FTO: variants seen among roughly 807,000 people sequenced by gnomAD.
FTO encodes alpha-ketoglutarate-dependent dioxygenase FTO.
A neutral mutation model predicts 63.9 loss-of-function variants in FTO; 47 were observed. The ratio of observed to expected loss-of-function variants is 0.74; its 90% CI spans 0.58 to 0.94. FTO has a LOEUF of 0.94. Among genes scored for constraint, FTO ranks in the 40% least tolerant of loss-of-function variants. The pLI is 0.00. For synonymous variants in FTO, 207 were observed against 224.4 expected (o/e 0.92, Z 0.69); for missense variants, 562 against 618.1 (o/e 0.91, Z 0.96).
chr16:53,819,977 C>A (rs908027736), intron 2 of FTO, among the ~76,000 whole-genome samples: 1 of 151,382 alleles, frequency 6.6e-6, no homozygotes, highest in Non-Finnish European at 1.5e-5. Context: ...AGTGATGTGG[C>A]TATAACAGAT....
At chr16:53,763,996 C>G (rs7206790) in intron 1 of FTO, among the ~76,000 whole-genome samples, 73,608 of 151,986 alleles carry the variant, frequency 0.48, 18,432 homozygotes, top group African/African-American at 0.58. Flanking sequence ...CCACTTAGTT[C>G]TTTCACTTCC....
chr16:53,948,720 AT>A (rs1480271246), intron 8 of FTO, among the ~76,000 whole-genome samples: 2 of 152,252 alleles, frequency 1.3e-5, no homozygotes, highest in Admixed American at 6.5e-5. Flanking sequence ...GAATTCAAAT[AT>A]TTGTAACTGT....
intron 1 of FTO, among the ~76,000 whole-genome samples, chr16:53,745,157 C>T (rs1027417495): frequency 6.6e-6 from 1 of 152,192 alleles, no homozygotes; most frequent in Non-Finnish European, 1.5e-5. Context: ...CTCACAAATG[C>T]TTATGAATAA....
chr16:54,024,104 C>A (rs1321444612), intron 8 of FTO, among the ~76,000 whole-genome samples: 1 of 152,076 alleles, frequency 6.6e-6, no homozygotes, highest in Non-Finnish European at 1.5e-5. Context: ...TCTCTGTTTT[C>A]TTCAATTAGA....
intron 7 of FTO, 42 bp from the exon 8 acceptor site, chr16:53,933,943 T>C: frequency 6.2e-7 from 1 of 1,600,958 alleles, no homozygotes; most frequent in South Asian, 1.1e-5. Context: ...TTATTATTAA[T>C]TTTTCACTTT....
rs780803760 is a variant in FTO at position 53,810,208 on chromosome 16, C to G, written c.114C>G (p.Phe38Leu). 6.3e-7 allele frequency: 1 copy of G among 1,598,862 alleles called. No homozygotes were observed. Among genetic ancestry groups the G allele is most frequent in the Admixed American group, 1.7e-5 (1 of 59,996 alleles). The change falls in exon 2 of 9, where the codon TTC becomes TTG. Residue 38 changes from phenylalanine (F) to leucine (L), a missense_variant. By Grantham distance (22) the Phe-to-Leu change is conservative (BLOSUM62 0). Coordinates refer to ENST00000471389, the MANE Select transcript of FTO (RefSeq NM_001080432.3). The stretch of plus-strand genomic sequence containing the variant: ...ATCTGACCCCCAAAGATGATGAATT[C>G]TATCAGCAGGTAAGGTATTTTAATA... Reference protein sequence around the residue: ...LPYLTPKDDEFYQQWQLKYPK... With the variant: ...LPYLTPKDDELYQQWQLKYPK...
chr16:53,730,907 T>G (rs1441509256), intron 1 of FTO, among the ~76,000 whole-genome samples: 1 of 152,242 alleles, frequency 6.6e-6, no homozygotes, highest in East Asian at 1.9e-4. Flanking sequence ...ATTTATTTTA[T>G]CAGCATAAAT....
At chr16:53,978,822 C>A (rs2083480703) in intron 8 of FTO, among the ~76,000 whole-genome samples, 1 of 152,080 alleles carries the variant, frequency 6.6e-6, no homozygotes, top group Non-Finnish European at 1.5e-5. Context: ...CATGGTGAAA[C>A]CCCTTCTCTA....
intron 1 of FTO, among the ~76,000 whole-genome samples, chr16:53,802,812 A>G (rs1373977417): frequency 2.6e-5 from 4 of 152,066 alleles, no homozygotes; most frequent in South Asian, 2.1e-4. Context: ...CTTTTCTTCT[A>G]TTATAACTAA....
intron 1 of FTO, among the ~76,000 whole-genome samples, chr16:53,784,679 A>C (rs987936790): frequency 3.9e-5 from 6 of 152,206 alleles, no homozygotes; most frequent in Admixed American, 3.3e-4. Context: ...GAGTGTGACA[A>C]ATCTAACAGG....
At chr16:53,776,064 G>A (rs1007471523) in intron 1 of FTO, among the ~76,000 whole-genome samples, 3 of 152,134 alleles carry the variant, frequency 2.0e-5, no homozygotes, top group African/African-American at 7.2e-5. Flanking sequence ...TACTCTAGCT[G>A]TGTGATTTTG....
chr16:53,725,107 T>C (rs2151496930), intron 1 of FTO, among the ~76,000 whole-genome samples: 1 of 152,346 alleles, frequency 6.6e-6, no homozygotes, highest in Admixed American at 6.5e-5. Context: ...TACTTTGTGA[T>C]GTCTACAGGA....
chr16:53,794,401 A>T (rs774384439), intron 1 of FTO, among the ~76,000 whole-genome samples: 3 of 152,210 alleles, frequency 2.0e-5, no homozygotes, highest in Non-Finnish European at 4.4e-5. Context: ...CTAACTAAAC[A>T]TAAAGGGCTA....
chr16:53,767,105 C>T (rs1437881236), intron 1 of FTO, among the ~76,000 whole-genome samples: 1 of 152,172 alleles, frequency 6.6e-6, no homozygotes, highest in Non-Finnish European at 1.5e-5. Context: ...TACAGGGCAT[C>T]TCCCCACTGG....
intron 8 of FTO, among the ~76,000 whole-genome samples, chr16:54,049,495 C>A (rs2085264128): frequency 6.6e-6 from 1 of 152,138 alleles, no homozygotes; most frequent in African/African-American, 2.4e-5. Context: ...AATTAATTTT[C>A]ATTTTCAATT....
At chr16:54,058,081 C>T (rs1267906127) in intron 8 of FTO, among the ~76,000 whole-genome samples, 1 of 152,012 alleles carries the variant, frequency 6.6e-6, no homozygotes, top group East Asian at 1.9e-4. Context: ...AGGTGGGTGA[C>T]AGATGTTATG....
At chr16:53,839,775 T>TTTTATTTATTTA (rs1205942882) in intron 3 of FTO, among the ~76,000 whole-genome samples, 11 of 36,948 alleles carry the variant, frequency 3.0e-4, no homozygotes, top group South Asian at 8.5e-4. Context: ...TTTTCTTTTT[T>TTTTATTTATTTA]TTTATTTATT....
chr16:53,839,775 T>TTTATTTA lies in FTO; in HGVS notation c.752-4378_752-4377insATTTATT, dbSNP rs1444826215. Among the ~76,000 whole-genome samples the TTTATTTA allele has an allele frequency of 4.9e-3, 182 of 36,952 alleles. 1 individual carries two copies. Among genetic ancestry groups the TTTATTTA allele is most frequent in the African/African-American group, 6.2e-3 (43 of 6,958 alleles). The allele number at this position is 36,952 out of a possible 152,430, so 24.2% of individuals were successfully genotyped here. ...AGTCATTATAATTGGTTTTCTTTTT[T>TTTATTTA]TTTATTTATTTATTTATTTATTTAT... On this transcript the variant is annotated intron_variant, in intron 3 of 8. Transcript: ENST00000471389.
intron 8 of FTO, among the ~76,000 whole-genome samples, chr16:53,936,133 C>T (rs1423092259): frequency 6.6e-6 from 1 of 152,214 alleles, no homozygotes; most frequent in African/African-American, 2.4e-5. Context: ...CTGGCCCTTA[C>T]TGCTAACAAT....
Sources: gnomAD v4.1 joint callset for allele counts (sites outside exome capture counted in the v4.1 genomes callset) on GRCh38, gnomAD v4.1.1 for gene constraint, MANE v1.5 for transcripts, NCBI Gene and HGNC (gene_info 2026-07-23, HGNC 2026-07-21) for gene names.